The following VRTN variants were observed in gnomAD, a reference collection of about 807,000 sequenced individuals.
VRTN encodes vertnin.
Under a neutral mutation model 18.2 loss-of-function variants are expected in VRTN, and 5 were observed. The ratio of observed to expected loss-of-function variants is 0.27; its 90% CI spans 0.14 to 0.58. The LOEUF (loss-of-function observed/expected upper bound fraction) is 0.58. Ranked by LOEUF, VRTN falls within the 20% of genes least tolerant of loss-of-function variation. The pLI is 0.91. For synonymous variants in VRTN, 381 were observed against 393.7 expected (o/e 0.97, Z 0.38); for missense variants, 741 against 939.4 (o/e 0.79, Z 2.76).
In VRTN at chr14:74,351,997, C is replaced by T. The variant is rs185027169; in HGVS notation, c.-2+3345C>T. 9.4e-4 allele frequency among the ~76,000 whole-genome samples: 143 copies of T among 151,830 alleles called. 1 individual carries two copies. The highest frequency in any genetic ancestry group is 3.3e-3 in the African/African-American group (135 of 41,368). ...TAGCTGGGACTACAGGCGCGGGCCA[C>T]CATGCCCAGCTAATTATTTTTTTTT... On this transcript the variant is annotated intron_variant, in intron 1 of 1. Transcript: ENST00000256362.
At chr14:74,339,516 A>C (rs1267403456) in intron 2 of VRTN, among the ~76,000 whole-genome samples, 1 of 152,154 alleles carries the variant, frequency 6.6e-6, no homozygotes, top group East Asian at 1.9e-4. Flanking sequence ...AAAGAACAAA[A>C]GAAAAAGAAA....
chr14:74,354,730 A>G (rs2085712601), intron 1 of VRTN, among the ~76,000 whole-genome samples: 1 of 151,848 alleles, frequency 6.6e-6, no homozygotes, highest in Non-Finnish European at 1.5e-5. Flanking sequence ...ACTTTGAATG[A>G]TTCTTCTACA....
At chr14:74,345,089 T>C (rs951201001), upstream of VRTN, among the ~76,000 whole-genome samples, 2 of 152,264 alleles carry the variant, frequency 1.3e-5, no homozygotes, top group South Asian at 2.1e-4. Context: ...GCTCTGTTGC[T>C]CAAGCTGAAG....
intron 1 of VRTN, among the ~76,000 whole-genome samples, chr14:74,329,876 C>CTTTT (rs61567546): frequency 7.4e-6 from 1 of 135,520 alleles, no homozygotes. Flanking sequence ...CGGGCCTGGG[C>CTTTT]TTTTTTTTTT....
chr14:74,320,447 A>G (rs966369543), intron 1 of VRTN, among the ~76,000 whole-genome samples: 3 of 148,374 alleles, frequency 2.0e-5, no homozygotes, highest in Non-Finnish European at 4.5e-5. Context: ...TATTTTTAGT[A>G]GAGACGGGGT....
At chr14:74,308,988 G>A (rs781028039) in intron 1 of VRTN, among the ~76,000 whole-genome samples, 5 of 151,462 alleles carry the variant, frequency 3.3e-5, no homozygotes, top group Non-Finnish European at 5.9e-5. Flanking sequence ...TCATCCTCTC[G>A]AGTAGCTGGG....
chr14:74,340,150 T>C (rs1466706676), intron 2 of VRTN, among the ~76,000 whole-genome samples: 3 of 145,548 alleles, frequency 2.1e-5, no homozygotes, highest in African/African-American at 7.6e-5. Context: ...TTTGCTCTTG[T>C]TGCCCAGGCT....
intron 1 of VRTN, among the ~76,000 whole-genome samples, chr14:74,355,381 A>G (rs2085718691): frequency 6.6e-6 from 1 of 152,208 alleles, no homozygotes; most frequent in African/African-American, 2.4e-5. Flanking sequence ...AATTTATCAG[A>G]AAAGCAGAAC....
chr14:74,324,816 G>T lies in VRTN; in HGVS notation c.-163-12907G>T, dbSNP rs962709921. 1.2e-4 allele frequency among the ~76,000 whole-genome samples: 19 copies of T among 152,230 alleles called. No individual in the cohort carries two copies. In the Middle Eastern group the frequency reaches 0.01, roughly 82 times the overall value. ...GCGGGAGGATGGCTTGAGCCCAGGAGGTGGAGGTTGCAGTGAGTTGAGATC... is the reference window on the plus strand; with the variant it reads ...GCGGGAGGATGGCTTGAGCCCAGGATGTGGAGGTTGCAGTGAGTTGAGATC... On this transcript the variant is annotated intron_variant, in intron 1 of 2. Transcript: ENST00000557177.
intron 1 of VRTN, among the ~76,000 whole-genome samples, chr14:74,325,627 G>A (rs1567040613): frequency 1.3e-5 from 2 of 152,066 alleles, no homozygotes; most frequent in African/African-American, 4.8e-5. Flanking sequence ...GGGCAACATA[G>A]TGGGACCCCT....
rs2085766724 is a variant in VRTN, at chr14:74,359,744, A to C, written c.*852A>C. 1 of 167,176 alleles carries C rather than the reference A, an allele frequency of 6.0e-6. No homozygotes were observed. The highest frequency in any genetic ancestry group is 2.1e-4 in the South Asian group (1 of 4,814). The allele number at this position is 167,176 out of a possible 1,614,324, so 10.4% of individuals were successfully genotyped here. The stretch of plus-strand genomic sequence containing the variant: ...CAAGGAGTGTGGGACCAGGTGGGGC[A>C]AGGCTGGGAGATGCAGGCTCTGTTT... On this transcript the variant is annotated 3_prime_UTR_variant, in exon 2 of 2. Coordinates refer to ENST00000256362, the MANE Select transcript of VRTN (RefSeq NM_018228.3).
At chr14:74,339,688 C>T (rs557410582) in intron 2 of VRTN, among the ~76,000 whole-genome samples, 10 of 152,172 alleles carry the variant, frequency 6.6e-5, no homozygotes, top group African/African-American at 2.4e-4. Context: ...GTGGCACATG[C>T]CTGTAGTCCC....
At chr14:74,317,272 G>A (rs969743473) in intron 1 of VRTN, among the ~76,000 whole-genome samples, 1 of 152,164 alleles carries the variant, frequency 6.6e-6, no homozygotes, top group Admixed American at 6.6e-5. Context: ...GGTTGGTGGG[G>A]ACTATAGAAT....
At chr14:74,342,289 C>T (rs926365224) in intron 2 of VRTN, among the ~76,000 whole-genome samples, 6 of 151,482 alleles carry the variant, frequency 4.0e-5, no homozygotes, top group East Asian at 3.9e-4. Flanking sequence ...CATATCTGTT[C>T]GGACTGTGGT....
intron 1 of VRTN, among the ~76,000 whole-genome samples, chr14:74,317,918 G>A (rs1223748625): frequency 1.3e-5 from 2 of 152,202 alleles, no homozygotes; most frequent in Non-Finnish European, 2.9e-5. Flanking sequence ...TTGAAGCCAG[G>A]AGCTTTATAC....
At position 74,359,055 on chromosome 14, in the gene VRTN, A is replaced by G; in HGVS notation, c.*163A>G. ...GTGTTATTTTCTGGCTCCAGGACAG[A>G]GAATGCCAGAAATCAGCCATCTGGT... is the stretch of plus-strand genomic sequence containing the variant. On this transcript the variant is annotated 3_prime_UTR_variant, in exon 2 of 2. Transcript: ENST00000256362. 8 of 1,318,254 alleles carry G rather than the reference A, an allele frequency of 6.1e-6. No individual in the cohort carries two copies. In the East Asian group the frequency reaches 1.8e-4, roughly 30 times the overall value. The allele number at this position is 1,318,254 out of a possible 1,614,324, so 81.7% of individuals were successfully genotyped here.
intron 1 of VRTN, among the ~76,000 whole-genome samples, chr14:74,337,007 A>G (rs893782854): frequency 2.6e-5 from 4 of 152,092 alleles, no homozygotes; most frequent in African/African-American, 7.2e-5. Context: ...TTCAGAACAT[A>G]CTGTCCTTGA....
chr14:74,340,312 A>C (rs915365679), intron 2 of VRTN, among the ~76,000 whole-genome samples: 1 of 152,194 alleles, frequency 6.6e-6, no homozygotes, highest in East Asian at 1.9e-4. Context: ...GTGTTTCTCC[A>C]TGTTGGTCAG....
intron 1 of VRTN, among the ~76,000 whole-genome samples, chr14:74,312,254 C>T (rs914567656): frequency 6.6e-6 from 1 of 152,148 alleles, no homozygotes; most frequent in Admixed American, 6.6e-5. Context: ...CAATTAACAT[C>T]TTTGGATATA....
Sources: gnomAD v4.1 joint callset for allele counts (sites outside exome capture counted in the v4.1 genomes callset) on GRCh38, gnomAD v4.1.1 for gene constraint, MANE v1.5 for transcripts, NCBI Gene and HGNC (gene_info 2026-07-23, HGNC 2026-07-21) for gene names.